Variants in HPS4 observed in about 807,000 individuals in gnomAD.
HPS4 encodes HPS4 biogenesis of lysosomal organelles complex 3 subunit 2.
In HPS4, 44 loss-of-function variants were observed where a neutral mutation model predicts 70.3. The observed-to-expected ratio is 0.63, with a 90% CI of 0.49 to 0.80. The LOEUF (loss-of-function observed/expected upper bound fraction) is 0.80. Ranked by LOEUF, HPS4 falls within the 30% of genes least tolerant of loss-of-function variation. The pLI, the probability that HPS4 is intolerant of heterozygous loss-of-function variation, is 0.00. For missense variants in HPS4, 873 were observed against 884.4 expected (o/e 0.99, Z 0.16); for synonymous variants, 377 against 355.9 (o/e 1.06, Z -0.67).
chr22:26,450,293 T>C (rs1234746015), downstream of HPS4, among the ~76,000 whole-genome samples: 2 of 151,924 alleles, frequency 1.3e-5, no homozygotes, highest in East Asian at 3.9e-4. Context: ...CAGAGAAAGG[T>C]CTGCTGCTAC....
Position 26,483,783 on chromosome 22 carries a change from G to T in HPS4, c.-588C>A, listed in dbSNP as rs1036794758. 4 of 797,436 alleles carry T rather than the reference G, an allele frequency of 5.0e-6. No individual in the cohort carries two copies. The highest frequency in any genetic ancestry group is 6.9e-6 in the Non-Finnish European group (4 of 576,384). 49.4% of individuals were successfully genotyped at this position (797,436 alleles called of 1,614,324 possible). A position where few individuals can be genotyped will look rare whatever the true frequency, so the allele number is the denominator to read the frequency against. ...CCCGTACCTGCGCGCGCGGCAGAGA[G>T]GCCTTAGGTCACGCGCCGCCCCGCC... On this transcript the variant is annotated 5_prime_UTR_variant, in exon 1 of 14. Coordinates refer to ENST00000398145, the MANE Select transcript of HPS4 (RefSeq NM_022081.6).
At chr22:26,458,018 C>G in intron 12 of HPS4, 51 bp from the exon 13 acceptor site, 2 of 1,380,578 alleles carry the variant, frequency 1.4e-6, no homozygotes, top group Non-Finnish European at 2.0e-6. Flanking sequence ...ACCTTCTGCC[C>G]TCCCACCCCA....
chr22:26,465,390 T>A (rs1011217017), intron 10 of HPS4, 65 bp downstream of exon 10: 2 of 1,191,548 alleles, frequency 1.7e-6, no homozygotes, highest in Non-Finnish European at 2.5e-6. Context: ...GTTTGTTTTT[T>A]AACCAATCAC....
At chr22:26,445,662 G>A (rs2084929704) in intron 3 of HPS4, among the ~76,000 whole-genome samples, 1 of 152,216 alleles carries the variant, frequency 6.6e-6, no homozygotes, top group African/African-American at 2.4e-5. Context: ...CTGTGGGTAT[G>A]TGCAGTATCT....
intron 11 of HPS4, among the ~76,000 whole-genome samples, chr22:26,462,082 C>T (rs1343663121): frequency 6.7e-6 from 1 of 149,050 alleles, no homozygotes; most frequent in East Asian, 2.0e-4. Flanking sequence ...GCTCAGATCA[C>T]ACCATTGTAC....
At chr22:26,465,371 G>T in intron 10 of HPS4, 84 bp downstream of exon 10, 3 of 889,522 alleles carry the variant, frequency 3.4e-6, no homozygotes, top group Non-Finnish European at 5.7e-6. Flanking sequence ...ACGATGGGAT[G>T]TATCAGAGGT....
intron 13 of HPS4, 122 bp from the exon 14 acceptor site, chr22:26,453,526 T>C (rs983803544): frequency 3.0e-6 from 3 of 996,246 alleles, no homozygotes; most frequent in Middle Eastern, 3.0e-4. Flanking sequence ...CATGTGCAGC[T>C]GTCATGGCAC....
intron 4 of HPS4, among the ~76,000 whole-genome samples, chr22:26,473,305 T>C (rs1286052883): frequency 1.3e-5 from 2 of 152,192 alleles, no homozygotes; most frequent in South Asian, 2.1e-4. Context: ...ATTTGGACAG[T>C]AGATGTTTAA....
intron 2 of HPS4, among the ~76,000 whole-genome samples, chr22:26,479,892 C>T (rs1405106011): frequency 6.6e-6 from 1 of 152,080 alleles, no homozygotes; most frequent in Admixed American, 6.5e-5. Context: ...TCCAAAAGTT[C>T]GTAACAGGGA....
chr22:26,474,755 A>T (rs894544346), intron 4 of HPS4, among the ~76,000 whole-genome samples: 2 of 152,242 alleles, frequency 1.3e-5, no homozygotes, highest in African/African-American at 4.8e-5. Context: ...AACCCAATTT[A>T]AAAAATGGGC....
intron 1 of HPS4, chr22:26,482,981 T>C (rs527363469): frequency 6.6e-6 from 1 of 152,392 alleles, no homozygotes; most frequent in East Asian, 1.9e-4. Flanking sequence ...CTTAATGCTT[T>C]AGCAACATGG....
intron 11 of HPS4, among the ~76,000 whole-genome samples, chr22:26,463,432 G>A (rs1359785570): frequency 2.0e-5 from 3 of 152,232 alleles, no homozygotes; most frequent in African/African-American, 7.2e-5. Flanking sequence ...ATGAGGCCAT[G>A]AGCAGGGGCG....
rs771794197 is a variant in HPS4, at chr22:26,464,522, A to G, written c.1108T>C (p.Ser370Pro). 6.2e-7 allele frequency: 1 copy of G among 1,614,068 alleles called. No individual in the cohort carries two copies. The highest frequency in any genetic ancestry group is 2.2e-5 in the East Asian group (1 of 44,890). ...TGAGCCTCTGGAATGTGGATTTCAG[A>G]CAAGTCGAGTTCTTCTTGGAGAAAG... ...LVFLQEELDL[S>P]EIHIPEAQEV... The change falls in exon 11 of 14, where the codon TCT becomes CCT. Residue 370 changes from serine to proline, a missense_variant. By Grantham distance (74) the Ser-to-Pro change is moderately conservative (BLOSUM62 -1). Coordinates refer to ENST00000398145, the MANE Select transcript of HPS4 (RefSeq NM_022081.6).
intron 4 of HPS4, 37 bp downstream of exon 4, chr22:26,476,956 T>G (rs1177443417): frequency 6.2e-7 from 1 of 1,610,848 alleles, no homozygotes; most frequent in Middle Eastern, 1.7e-4. Flanking sequence ...AACTTATCAT[T>G]GCAACACTTC....
intron 1 of HPS4, among the ~76,000 whole-genome samples, chr22:26,483,067 C>G (rs975770242): frequency 2.0e-5 from 3 of 152,196 alleles, no homozygotes; most frequent in African/African-American, 7.2e-5. Context: ...GAGACGACCC[C>G]CATTGAATAT....
Position 26,464,177 on chromosome 22 carries a change from T to C in HPS4, c.1453A>G (p.Thr485Ala). 6.2e-7 allele frequency: 1 copy of C among 1,614,196 alleles called. No individual in the cohort carries two copies. The highest frequency in any genetic ancestry group is 8.5e-7 in the Non-Finnish European group (1 of 1,180,036). The change falls in exon 11 of 14, where the codon ACG (threonine) becomes GCG (alanine). Residue 485 changes from threonine to alanine, a missense_variant. Thr to Ala is a moderately conservative substitution (Grantham distance 58). Coordinates refer to ENST00000398145, the MANE Select transcript of HPS4 (RefSeq NM_022081.6). ...TCCTCATCCAGGCCTTGTTCCCCCGTGGGAAGCTTGTTTCCTCTCTGTCCT... is the reference window on the plus strand; with the variant it reads ...TCCTCATCCAGGCCTTGTTCCCCCGCGGGAAGCTTGTTTCCTCTCTGTCCT... ...DPGQRGNKLP[T>A]GEQGLDEDVD...
In HPS4 at chr22:26,479,300, T is replaced by A; in HGVS notation, c.97A>T (p.Thr33Ser). ...TAAAAGTAACAAATGCCAGCTCTTGTTGGATCGCCTTCTTCCTTTACCTTG... is the reference window on the plus strand; with the variant it reads ...TAAAAGTAACAAATGCCAGCTCTTGATGGATCGCCTTCTTCCTTTACCTTG... ...GSKVKEEGDP[T>S]RAGICYFYPS... is the part of the protein sequence containing the mutation. Residue 33 changes from threonine to serine, a missense_variant, in exon 3 of 14, where the codon ACA (threonine) becomes TCA (serine). By Grantham distance (58) the Thr-to-Ser change is moderately conservative. Coordinates refer to ENST00000398145, the MANE Select transcript of HPS4 (RefSeq NM_022081.6). The A allele has an allele frequency of 6.2e-7, 1 of 1,614,210 alleles. No homozygotes were observed. The highest frequency in any genetic ancestry group is 2.2e-5 in the East Asian group (1 of 44,888).
At chr22:26,445,843 G>A (rs1007586699) in intron 3 of HPS4, among the ~76,000 whole-genome samples, 4 of 152,208 alleles carry the variant, frequency 2.6e-5, no homozygotes, top group South Asian at 2.1e-4. Flanking sequence ...TCTAATCACA[G>A]AGGAAGAAAC....
At chr22:26,475,016 A>C (rs2090334498) in intron 4 of HPS4, among the ~76,000 whole-genome samples, 1 of 152,228 alleles carries the variant, frequency 6.6e-6, no homozygotes, top group Admixed American at 6.5e-5. Context: ...GAAAAGTTCT[A>C]ACAGTTTCCT....
Sources: gnomAD v4.1 joint callset for allele counts (sites outside exome capture counted in the v4.1 genomes callset) on GRCh38, gnomAD v4.1.1 for gene constraint, MANE v1.5 for transcripts, NCBI Gene and HGNC (gene_info 2026-07-23, HGNC 2026-07-21) for gene names.